Variants in CADPS2 observed in about 807,000 individuals in gnomAD.
CADPS2 encodes calcium dependent secretion activator 2.
Under a neutral mutation model 172.5 loss-of-function variants are expected in CADPS2, and 93 were observed. That is an observed-to-expected ratio of 0.54 (90% CI 0.46 to 0.64). The LOEUF (loss-of-function observed/expected upper bound fraction) is 0.64, where lower values mean the gene tolerates loss of function less well. Ranked by LOEUF, CADPS2 falls within the 30% of genes least tolerant of loss-of-function variation. CADPS2 has a pLI of 0.00. For missense variants in CADPS2, 1,420 were observed against 1,565.9 expected (o/e 0.91, Z 1.57); for synonymous variants, 546 against 555.2 (o/e 0.98, Z 0.23).
At chr7:122,718,875 A>T (rs1334373805) in intron 2 of CADPS2, among the ~76,000 whole-genome samples, 1 of 152,136 alleles carries the variant, frequency 6.6e-6, no homozygotes, top group African/African-American at 2.4e-5. Flanking sequence ...CCAACAATCA[A>T]TGGTCATGGT....
At chr7:122,869,711 A>G (rs1467907785) in intron 1 of CADPS2, among the ~76,000 whole-genome samples, 2 of 152,116 alleles carry the variant, frequency 1.3e-5, no homozygotes, top group Non-Finnish European at 2.9e-5. Context: ...GTGAATACCA[A>G]ATATATCTCT....
At chr7:122,795,971 AG>A (rs1290050929) in intron 1 of CADPS2, among the ~76,000 whole-genome samples, 1 of 152,204 alleles carries the variant, frequency 6.6e-6, no homozygotes, top group Non-Finnish European at 1.5e-5. Flanking sequence ...CCATAGCATC[AG>A]CCCATAAGCT....
chr7:122,828,641 C>T (rs1805631511), intron 1 of CADPS2, among the ~76,000 whole-genome samples: 1 of 152,150 alleles, frequency 6.6e-6, no homozygotes, highest in South Asian at 2.1e-4. Context: ...TTCCTTCCTT[C>T]TTCCTGGTTC....
chr7:122,611,876 T>C (rs917180262), intron 6 of CADPS2, among the ~76,000 whole-genome samples: 3 of 151,972 alleles, frequency 2.0e-5, no homozygotes, highest in Non-Finnish European at 2.9e-5. Context: ...ATAGTGGGAA[T>C]TGTGCAAGGA....
At chr7:122,500,699 A>G (rs990050463) in intron 9 of CADPS2, among the ~76,000 whole-genome samples, 2 of 152,170 alleles carry the variant, frequency 1.3e-5, no homozygotes, top group Admixed American at 6.5e-5. Context: ...GAAATTTGGA[A>G]ACAAACAAAA....
chr7:122,452,394 T>G (rs1158571049), intron 14 of CADPS2, among the ~76,000 whole-genome samples: 1 of 152,176 alleles, frequency 6.6e-6, no homozygotes, highest in Non-Finnish European at 1.5e-5. Context: ...CCTAATTAGT[T>G]TATTTGTTCA....
chr7:122,391,356 A>T (rs924856941), intron 22 of CADPS2, among the ~76,000 whole-genome samples: 2 of 152,030 alleles, frequency 1.3e-5, no homozygotes, highest in African/African-American at 4.8e-5. Context: ...GCCCTCAATA[A>T]GGGATTCAGA....
At chr7:122,586,424 G>A (rs923975557) in intron 6 of CADPS2, among the ~76,000 whole-genome samples, 17 of 151,888 alleles carry the variant, frequency 1.1e-4, no homozygotes, top group African/African-American at 3.9e-4. Context: ...TCTGAAAGTC[G>A]ATAGTGATAT....
At chr7:122,531,351 C>T (rs1186875469) in intron 8 of CADPS2, among the ~76,000 whole-genome samples, 1 of 152,138 alleles carries the variant, frequency 6.6e-6, no homozygotes, top group African/African-American at 2.4e-5. Flanking sequence ...GGAGGGGAAC[C>T]CTCAGAATTC....
At chr7:122,440,976 T>C (rs1184209705) in intron 16 of CADPS2, among the ~76,000 whole-genome samples, 1 of 152,160 alleles carries the variant, frequency 6.6e-6, no homozygotes, top group Admixed American at 6.6e-5. Flanking sequence ...AAAAATCTTG[T>C]TTGCTGGTTA....
intron 1 of CADPS2, among the ~76,000 whole-genome samples, chr7:122,750,504 C>T (rs1159740497): frequency 6.6e-6 from 1 of 152,034 alleles, no homozygotes; most frequent in Non-Finnish European, 1.5e-5. Context: ...AGTTATAATG[C>T]CTTTGTCTCT....
At chr7:122,742,936 T>C (rs1358277389) in intron 1 of CADPS2, among the ~76,000 whole-genome samples, 4 of 152,184 alleles carry the variant, frequency 2.6e-5, no homozygotes, top group African/African-American at 7.2e-5. Flanking sequence ...CCATTATATA[T>C]ACTCCTTCAG....
chr7:122,380,984 A>G (rs1302538563), intron 24 of CADPS2, among the ~76,000 whole-genome samples: 1 of 152,136 alleles, frequency 6.6e-6, no homozygotes, highest in African/African-American at 2.4e-5. Flanking sequence ...GAGCCTGAAA[A>G]AGCTGGCTGG....
chr7:122,831,639 A>C (rs1420257195), intron 1 of CADPS2, among the ~76,000 whole-genome samples: 1 of 152,214 alleles, frequency 6.6e-6, no homozygotes, highest in East Asian at 1.9e-4. Context: ...CTAGCTTTCC[A>C]TCTCAGCACA....
intron 1 of CADPS2, among the ~76,000 whole-genome samples, chr7:122,823,019 G>T (rs1803833169): frequency 6.6e-6 from 1 of 152,186 alleles, no homozygotes; most frequent in Non-Finnish European, 1.5e-5. Flanking sequence ...TAGGTGAGAT[G>T]ATATCTCATT....
chr7:122,364,397 A>G (rs1164055291), intron 25 of CADPS2, among the ~76,000 whole-genome samples: 1 of 146,616 alleles, frequency 6.8e-6, no homozygotes, highest in African/African-American at 2.6e-5. Flanking sequence ...TGACAAAGGA[A>G]GACCCTGTCT....
chr7:122,855,876 TCTC>T (rs1234918654), intron 1 of CADPS2, among the ~76,000 whole-genome samples: 1 of 152,140 alleles, frequency 6.6e-6, no homozygotes, highest in African/African-American at 2.4e-5. Flanking sequence ...CCAAATCCCT[TCTC>T]CTCTCTTTTC....
At position 122,783,595 on chromosome 7, in the gene CADPS2, G is replaced by A. The variant is rs572132796; in HGVS notation, c.340-46527C>T. ...AGTCCAGCTGAGAGTGTCTGTCCAC[G>A]CTGCTTACAGACTCCTTGCTGAGTG... is the stretch of plus-strand genomic sequence containing the variant. On this transcript the variant is annotated intron_variant, in intron 1 of 29. Transcript: ENST00000449022. Among the ~76,000 whole-genome samples, 4 of 152,238 alleles carry A rather than the reference G, an allele frequency of 2.6e-5. No homozygotes were observed. The South Asian group carries it at 8.3e-4, about 32-fold the overall frequency.
At chr7:122,796,686 T>C (rs1340004193) in intron 1 of CADPS2, among the ~76,000 whole-genome samples, 1 of 152,066 alleles carries the variant, frequency 6.6e-6, no homozygotes. Context: ...ACTGGACTCC[T>C]TCCTTATACC....
Sources: gnomAD v4.1 joint callset for allele counts (sites outside exome capture counted in the v4.1 genomes callset) on GRCh38, gnomAD v4.1.1 for gene constraint, MANE v1.5 for transcripts, NCBI Gene and HGNC (gene_info 2026-07-23, HGNC 2026-07-21) for gene names.